The following MBNL2 variants were observed in gnomAD, a reference collection of about 807,000 sequenced individuals.
MBNL2 encodes muscleblind like splicing regulator 2.
Under a neutral mutation model 41.9 loss-of-function variants are expected in MBNL2, and 17 were observed. The ratio of observed to expected loss-of-function variants is 0.41; its 90% CI spans 0.28 to 0.61. The LOEUF (loss-of-function observed/expected upper bound fraction) is 0.61. Among genes scored for constraint, MBNL2 ranks in the 20% least tolerant of loss-of-function variants. MBNL2 has a pLI of 0.35. For missense variants in MBNL2, 336 were observed against 505.6 expected (o/e 0.66, Z 3.22); for synonymous variants, 195 against 182.9 (o/e 1.07, Z -0.53).
chr13:97,292,284 TGCACTGCTG>T (rs1324049237), intron 2 of MBNL2, among the ~76,000 whole-genome samples: 1 of 152,086 alleles, frequency 6.6e-6, no homozygotes, highest in Non-Finnish European at 1.5e-5. Context: ...TGGCCCCATT[TGCACTGCTG>T]GTAATTTTAC....
chr13:97,152,362 CAG>C, the MBNL2 span, among the ~76,000 whole-genome samples: 1 of 151,702 alleles, frequency 6.6e-6, no homozygotes, highest in African/African-American at 2.4e-5. Flanking sequence ...AAAGAGAAAA[CAG>C]AGAGGAAAAA....
chr13:97,254,502 C>T (rs2047163095), intron 1 of MBNL2, among the ~76,000 whole-genome samples: 1 of 152,126 alleles, frequency 6.6e-6, no homozygotes, highest in Admixed American at 6.5e-5. Context: ...TATTAACTTC[C>T]TCTGTCTCTA....
At chr13:97,176,247 C>T in the MBNL2 span, among the ~76,000 whole-genome samples, 3 of 152,022 alleles carry the variant, frequency 2.0e-5, no homozygotes, top group Non-Finnish European at 4.4e-5. Context: ...GTATAGTACC[C>T]CTGGCATTAT....
the MBNL2 span, among the ~76,000 whole-genome samples, chr13:97,185,041 T>A: frequency 6.6e-6 from 1 of 152,252 alleles, no homozygotes; most frequent in Non-Finnish European, 1.5e-5. Flanking sequence ...TGCACATATG[T>A]TATCTCAATT....
chr13:97,194,496 G>C, the MBNL2 span, among the ~76,000 whole-genome samples: 9 of 152,154 alleles, frequency 5.9e-5, no homozygotes, highest in Admixed American at 1.3e-4. Context: ...TATAATCCTG[G>C]AACTGTCAGA....
At chr13:97,172,930 G>A in the MBNL2 span, 1 of 152,116 alleles carries the variant, frequency 6.6e-6, no homozygotes, top group Non-Finnish European at 1.5e-5. Flanking sequence ...AGATATATAT[G>A]TAATTACACA....
chr13:97,374,067 T>TC (rs1319389601), intron 8 of MBNL2, among the ~76,000 whole-genome samples: 1 of 103,106 alleles, frequency 9.7e-6, no homozygotes, highest in African/African-American at 4.4e-5. Flanking sequence ...CTTTGCATTT[T>TC]TTTTTTTTTT....
chr13:97,188,662 C>G, the MBNL2 span, among the ~76,000 whole-genome samples: 2 of 149,832 alleles, frequency 1.3e-5, no homozygotes, highest in African/African-American at 4.9e-5. Flanking sequence ...AAAAAAAAGG[C>G]AAAGAGAACA....
At chr13:97,345,045 T>TTA (rs3055756) in intron 4 of MBNL2, among the ~76,000 whole-genome samples, 38,170 of 152,116 alleles carry the variant, frequency 0.25, 5,012 homozygotes, top group Non-Finnish European at 0.3. Context: ...TTTTGCGCAT[T>TTA]TTATGAACTA....
chr13:97,158,180 C>T, the MBNL2 span, among the ~76,000 whole-genome samples: 13 of 151,904 alleles, frequency 8.6e-5, no homozygotes, highest in East Asian at 7.7e-4. Flanking sequence ...AGTTTATTTG[C>T]GTAGAGGTGT....
At chr13:97,265,089 C>G (rs2049465920) in intron 1 of MBNL2, among the ~76,000 whole-genome samples, 1 of 152,206 alleles carries the variant, frequency 6.6e-6, no homozygotes, top group Admixed American at 6.5e-5. Flanking sequence ...TAGATTACAT[C>G]TGGCTGTAGT....
At chr13:97,356,458 G>A (rs1426898938) in intron 5 of MBNL2, among the ~76,000 whole-genome samples, 1 of 151,992 alleles carries the variant, frequency 6.6e-6, no homozygotes, top group South Asian at 2.1e-4. Context: ...AATGCTTATG[G>A]TGTGTATGCA....
chr13:97,212,278 A>G, the MBNL2 span, among the ~76,000 whole-genome samples: 3 of 152,020 alleles, frequency 2.0e-5, no homozygotes, highest in Non-Finnish European at 4.4e-5. Context: ...ACTTCTCCAG[A>G]GATTTCTATT....
the MBNL2 span, among the ~76,000 whole-genome samples, chr13:97,200,403 T>C: frequency 1.3e-5 from 2 of 152,176 alleles, no homozygotes; most frequent in East Asian, 1.9e-4. Context: ...CAAATATCTC[T>C]TGTGGCAAGT....
chr13:97,389,712 A>AAAAGAAAG (rs147584909), intron 8 of MBNL2, among the ~76,000 whole-genome samples: 9 of 151,748 alleles, frequency 5.9e-5, no homozygotes, highest in Middle Eastern at 3.4e-3. Flanking sequence ...TCTCAAAAAA[A>AAAAGAAAG]AAAGAAAGAA....
intron 1 of MBNL2, among the ~76,000 whole-genome samples, chr13:97,259,819 C>T (rs1000703882): frequency 3.3e-5 from 5 of 152,122 alleles, no homozygotes; most frequent in Admixed American, 2.6e-4. Flanking sequence ...CAAATCCCAT[C>T]GAGAAGATGG....
rs373836067 is a variant in MBNL2, at chr13:97,392,448, A to G, written c.*999A>G. The G allele has an allele frequency of 3.3e-5, 5 of 152,696 alleles. No homozygotes were observed. The South Asian group carries it at 8.3e-4, about 25-fold the overall frequency. 9.5% of individuals were successfully genotyped at this position (152,696 alleles called of 1,614,324 possible). ...TACTGTTTTGCATTTCAAAAGTTGG[A>G]TTAAAGGGTTGTAACTGACTACAGC... On this transcript the variant is annotated 3_prime_UTR_variant, in exon 9 of 9. Transcript: ENST00000679496.
chr13:97,183,043 T>C, the MBNL2 span, among the ~76,000 whole-genome samples: 2 of 152,228 alleles, frequency 1.3e-5, no homozygotes, highest in Non-Finnish European at 2.9e-5. Flanking sequence ...TAATATGTAA[T>C]TGCTATATAG....
At chr13:97,216,550 G>C (rs2040393861), upstream of MBNL2, among the ~76,000 whole-genome samples, 1 of 152,060 alleles carries the variant, frequency 6.6e-6, no homozygotes, top group Non-Finnish European at 1.5e-5. Context: ...TCTCTCTCTT[G>C]CTATGAACAA....
Sources: gnomAD v4.1 joint callset for allele counts (sites outside exome capture counted in the v4.1 genomes callset) on GRCh38, gnomAD v4.1.1 for gene constraint, MANE v1.5 for transcripts, NCBI Gene and HGNC (gene_info 2026-07-23, HGNC 2026-07-21) for gene names.